SHISAL1: variants seen among roughly 807,000 people sequenced by gnomAD.
The protein encoded by SHISAL1 is shisa like 1, also known as protein shisa-like-1.
In SHISAL1, 9 loss-of-function variants were observed where a neutral mutation model predicts 22.6. The ratio of observed to expected loss-of-function variants is 0.40; its 90% CI spans 0.24 to 0.70. The LOEUF is 0.70. Among genes scored for constraint, SHISAL1 ranks in the 30% least tolerant of loss-of-function variants. SHISAL1 has a pLI of 0.39. For missense variants in SHISAL1, 246 were observed against 270.6 expected, an observed-to-expected ratio of 0.91 and a Z score of 0.64; for synonymous variants, 119 against 115.4, an observed-to-expected ratio of 1.03 and a Z score of -0.20.
intron 4 of SHISAL1, among the ~76,000 whole-genome samples, chr22:44,255,307 G>C (rs1172359605): frequency 6.6e-6 from 1 of 152,008 alleles, no homozygotes; most frequent in African/African-American, 2.4e-5. Flanking sequence ...GTGTCTACTC[G>C]ATGTCACCAA....
intron 2 of SHISAL1, among the ~76,000 whole-genome samples, chr22:44,298,209 T>C (rs930511963): frequency 1.3e-5 from 2 of 152,328 alleles, no homozygotes; most frequent in Non-Finnish European, 2.9e-5. Context: ...ATACCCCCTC[T>C]GGGGATGTAG....
At position 44,272,245 on chromosome 22, in the gene SHISAL1, C is replaced by A. The variant is rs73430755; in HGVS notation, c.599+13183G>T. Among the ~76,000 whole-genome samples, 713 of 152,290 alleles carry A rather than the reference C, an allele frequency of 4.7e-3. 4 individuals are homozygous for A. Among genetic ancestry groups the A allele is most frequent in the African/African-American group, 0.016 (676 of 41,564 alleles). ...TCCATCTGAACTCCAGATAGCTGTG[C>A]TAGGTCTAGTTCATTCCAGAAGTGT... is the stretch of plus-strand genomic sequence containing the variant. On this transcript the variant is annotated intron_variant, in intron 4 of 4. Transcript: ENST00000381176.
chr22:44,305,880 G>A (rs1188096163), intron 1 of SHISAL1, among the ~76,000 whole-genome samples: 1 of 152,182 alleles, frequency 6.6e-6, no homozygotes, highest in Admixed American at 6.5e-5. Context: ...GGGTCTGGGG[G>A]ATTCTGCATG....
chr22:44,268,590 C>A (rs548629572), intron 4 of SHISAL1, among the ~76,000 whole-genome samples: 1 of 152,320 alleles, frequency 6.6e-6, no homozygotes, highest in African/African-American at 2.4e-5. Context: ...CCAGCACCCC[C>A]CAGAAGACTC....
chr22:44,302,923 A>C (rs7510583), intron 1 of SHISAL1, among the ~76,000 whole-genome samples: 1 of 45,970 alleles, frequency 2.2e-5, no homozygotes, highest in South Asian at 5.6e-4. Context: ...GGGTGGGTGC[A>C]GTGAGGAGGC....
At chr22:44,303,927 G>A (rs991558606) in intron 1 of SHISAL1, among the ~76,000 whole-genome samples, 6 of 149,248 alleles carry the variant, frequency 4.0e-5, no homozygotes, top group South Asian at 4.5e-4. Context: ...TCCTGTCCAC[G>A]CCAGGTGAGG....
intron 4 of SHISAL1, among the ~76,000 whole-genome samples, chr22:44,260,290 A>C (rs2055112588): frequency 6.6e-6 from 1 of 152,180 alleles, no homozygotes; most frequent in Admixed American, 6.5e-5. Context: ...TGTTCATTGG[A>C]TTCTGCAAGA....
At chr22:44,327,321 C>T in the SHISAL1 span, among the ~76,000 whole-genome samples, 3 of 152,098 alleles carry the variant, frequency 2.0e-5, no homozygotes, top group South Asian at 2.1e-4. Flanking sequence ...CCTGGTCTGA[C>T]GCTTTCAGAG....
rs2055310655 is a variant in SHISAL1, at chr22:44,285,757, CAG to C, written c.282-14_282-13del. 1.2e-6 allele frequency: 2 copies of C among 1,602,898 alleles called. No individual in the cohort carries two copies. Among genetic ancestry groups the C allele is most frequent in the Non-Finnish European group, 8.5e-7 (1 of 1,172,030 alleles). On this transcript the variant is annotated splice_polypyrimidine_tract_variant and intron_variant, in intron 3 of 4. Transcript: ENST00000381176. Reference sequence around the variant, plus strand: ...AGGCGGTGTAATTGCTGCGAACAAACAGAGAGGGAGTGAGCAAGCAGAGGGGA... The same window carrying C: ...AGGCGGTGTAATTGCTGCGAACAAACAGAGGGAGTGAGCAAGCAGAGGGGA...
chr22:44,324,302 C>A, the SHISAL1 span, among the ~76,000 whole-genome samples: 611 of 152,114 alleles, frequency 4.0e-3, no homozygotes, highest in Non-Finnish European at 6.0e-3. Context: ...CTGGCTCCCC[C>A]CTGCCTGGTC....
At chr22:44,261,793 C>T (rs752429779) in intron 4 of SHISAL1, among the ~76,000 whole-genome samples, 65 of 152,252 alleles carry the variant, frequency 4.3e-4, no homozygotes, top group African/African-American at 9.9e-4. Context: ...ACTCCTGCCA[C>T]GGAGAGCACT....
At chr22:44,292,287 G>C (rs954413897) in intron 3 of SHISAL1, among the ~76,000 whole-genome samples, 1 of 152,156 alleles carries the variant, frequency 6.6e-6, no homozygotes, top group Non-Finnish European at 1.5e-5. Flanking sequence ...CCATCTAGAC[G>C]GGCTGCTGGT....
intron 4 of SHISAL1, among the ~76,000 whole-genome samples, chr22:44,271,428 G>A (rs1946613235): frequency 6.6e-6 from 1 of 152,196 alleles, no homozygotes; most frequent in South Asian, 2.1e-4. Context: ...GCTACAGGAA[G>A]TCCAAGCTGG....
At chr22:44,317,241 GA>G (rs1367005571), upstream of SHISAL1, among the ~76,000 whole-genome samples, 1 of 152,200 alleles carries the variant, frequency 6.6e-6, no homozygotes, top group Non-Finnish European at 1.5e-5. Flanking sequence ...GCCGGGCCAG[GA>G]TGGAAGGACG....
intron 4 of SHISAL1, among the ~76,000 whole-genome samples, chr22:44,250,294 C>G (rs931875022): frequency 3.9e-5 from 6 of 152,072 alleles, no homozygotes; most frequent in Non-Finnish European, 5.9e-5. Context: ...TGACAAAAAC[C>G]ATTATGTATT....
intron 4 of SHISAL1, among the ~76,000 whole-genome samples, chr22:44,272,378 C>T (rs1408912005): frequency 6.6e-6 from 1 of 152,234 alleles, no homozygotes; most frequent in African/African-American, 2.4e-5. Flanking sequence ...GGATTTTCTA[C>T]ACATCACTGG....
intron 4 of SHISAL1, among the ~76,000 whole-genome samples, chr22:44,261,079 A>ATATATATATATC (rs2055119945): frequency 7.6e-6 from 1 of 132,344 alleles, no homozygotes; most frequent in African/African-American, 3.0e-5. Context: ...TCATTACTTT[A>ATATATATATATC]TATATATATA....
chr22:44,295,275 C>CG (rs201520660), intron 3 of SHISAL1, among the ~76,000 whole-genome samples: 1 of 150,266 alleles, frequency 6.7e-6, no homozygotes, highest in African/African-American at 2.4e-5. Context: ...CATTTCATCT[C>CG]GGGGGAAAAG....
chr22:44,297,403 T>C (rs956445768), intron 2 of SHISAL1, among the ~76,000 whole-genome samples: 1 of 152,244 alleles, frequency 6.6e-6, no homozygotes. Context: ...AGGTGGGCAG[T>C]GGTGGACCTG....
Sources: allele counts gnomAD v4.1 joint callset (sites outside exome capture counted in the v4.1 genomes callset), GRCh38; gene constraint gnomAD v4.1.1; transcripts MANE v1.5; gene names NCBI Gene and HGNC (gene_info 2026-07-23, HGNC 2026-07-21).